The following CISD1 variants were observed in gnomAD, a reference collection of about 807,000 sequenced individuals.
CISD1 encodes CDGSH iron-sulfur domain-containing protein 1.
Under a neutral mutation model 12.0 loss-of-function variants are expected in CISD1, and 8 were observed. The ratio of observed to expected loss-of-function variants is 0.67; its 90% CI spans 0.39 to 1.20. CISD1 has a LOEUF of 1.20. Ranked by LOEUF, CISD1 falls within the 50% of genes most tolerant of loss-of-function variation. The probability of loss-of-function intolerance (pLI) is 0.01; values close to 1 mark genes in which losing one functional copy is unlikely to be tolerated. For synonymous variants in CISD1, 38 were observed against 42.2 expected (o/e 0.90, Z 0.39); for missense variants, 107 against 132.7 (o/e 0.81, Z 0.95).
At chr10:58,281,029 T>A (rs1839368284) in intron 2 of CISD1, among the ~76,000 whole-genome samples, 1 of 152,244 alleles carries the variant, frequency 6.6e-6, no homozygotes. Flanking sequence ...AGTAACATAA[T>A]TGCTTGAGTG....
At position 58,277,030 on chromosome 10, in the gene CISD1, T is replaced by G. The variant is rs190832778; in HGVS notation, c.32-87T>G. 3.5e-4 allele frequency: 335 copies of G among 945,104 alleles called. 1 individual carries two copies. The East Asian group carries it at 6.6e-3, about 19-fold the overall frequency. 58.5% of individuals were successfully genotyped at this position (945,104 alleles called of 1,614,324 possible). A position where few individuals can be genotyped will look rare whatever the true frequency, so the allele number is the denominator to read the frequency against. On this transcript the variant is annotated intron_variant, in intron 1 of 2. Transcript: ENST00000333926. ...CTTGGACTATTAGGATGCTTAATACTCAAAAACTGGATTTTCTGACATGCA... is the reference window on the plus strand; with the variant it reads ...CTTGGACTATTAGGATGCTTAATACGCAAAAACTGGATTTTCTGACATGCA...
intron 2 of CISD1, among the ~76,000 whole-genome samples, chr10:58,285,499 C>T (rs997282366): frequency 6.6e-6 from 1 of 152,090 alleles, no homozygotes; most frequent in African/African-American, 2.4e-5. Flanking sequence ...GTACCTTAGA[C>T]TAAACAGTGA....
Position 58,287,807 on chromosome 10 carries a change from ACAT to A in CISD1, c.*159_*161del, listed in dbSNP as rs1197978913. ...CATTTATGGCATTTGTCTTGTTGAAACATCGTGGTGCACATTTGTTTAAACAAA... is the reference window on the plus strand; with the variant it reads ...CATTTATGGCATTTGTCTTGTTGAAACGTGGTGCACATTTGTTTAAACAAA... On this transcript the variant is annotated 3_prime_UTR_variant, in exon 3 of 3. Coordinates refer to ENST00000333926, the MANE Select transcript of CISD1 (RefSeq NM_018464.5). 5 of 453,056 alleles carry A rather than the reference ACAT, an allele frequency of 1.1e-5. No individual in the cohort carries two copies. Among genetic ancestry groups the A allele is most frequent in the Non-Finnish European group, 1.9e-5 (5 of 257,700 alleles). The allele number at this position is 453,056 out of a possible 1,614,324, so 28.1% of individuals were successfully genotyped here.
chr10:58,274,119 C>A (rs769644199), intron 1 of CISD1, among the ~76,000 whole-genome samples: 1 of 151,460 alleles, frequency 6.6e-6, no homozygotes, highest in Non-Finnish European at 1.5e-5. Flanking sequence ...GGCAACAGAG[C>A]AAGACTCCAT....
Position 58,287,564 on chromosome 10 carries a change from C to T in CISD1, c.241C>T (p.Pro81Ser). 14 of 1,601,906 alleles carry T rather than the reference C, an allele frequency of 8.7e-6. No individual in the cohort carries two copies. The highest frequency in any genetic ancestry group is 1.2e-5 in the Non-Finnish European group (14 of 1,171,730). The change falls in exon 3 of 3, where the codon CCA (proline) becomes TCA (serine). Residue 81 changes from proline to serine, a missense_variant. Physicochemically the swap from Pro to Ser is moderately conservative, Grantham distance 74 (BLOSUM62 -1). Coordinates refer to ENST00000333926, the MANE Select transcript of CISD1 (RefSeq NM_018464.5). ...YCRCWRSKKF[P>S]FCDGAHTKHN... ...CATTCATTCTTTCTCTTCCTAGTTCCCATTCTGTGATGGGGCTCACACAAA... is the reference window on the plus strand; with the variant it reads ...CATTCATTCTTTCTCTTCCTAGTTCTCATTCTGTGATGGGGCTCACACAAA...
chr10:58,276,674 A>C, intron 1 of CISD1, among the ~76,000 whole-genome samples: 1 of 151,552 alleles, frequency 6.6e-6, no homozygotes, highest in East Asian at 1.9e-4. Context: ...CTTACTATTT[A>C]AATAAACTCA....
chr10:58,284,668 A>T (rs1234378433), intron 2 of CISD1, among the ~76,000 whole-genome samples: 1 of 151,296 alleles, frequency 6.6e-6, no homozygotes, highest in African/African-American at 2.5e-5. Context: ...CACTTTTGAT[A>T]TATGACTTTC....
intron 1 of CISD1, among the ~76,000 whole-genome samples, chr10:58,275,102 G>A (rs1252712949): frequency 2.6e-5 from 4 of 152,216 alleles, no homozygotes; most frequent in East Asian, 1.9e-4. Context: ...AACTAAAATC[G>A]ACAGCATTAA....
chr10:58,270,955 C>A (rs764830104), intron 1 of CISD1, among the ~76,000 whole-genome samples: 98 of 151,202 alleles, frequency 6.5e-4, no homozygotes, highest in Non-Finnish European at 1.2e-3. Context: ...CCTTGAACTT[C>A]TGGGCCCAAG....
chr10:58,287,852 A>G lies in CISD1; in HGVS notation c.*202A>G, dbSNP rs1190001654. The G allele has an allele frequency of 4.8e-6, 1 of 208,596 alleles. No homozygotes were observed. The highest frequency in any genetic ancestry group is 1.5e-4 in the African/African-American group (1 of 6,796). 12.9% of individuals were successfully genotyped at this position (208,596 alleles called of 1,614,324 possible). ...TTAAACAAAAAAAAAAAAAAAAAGG[A>G]AAAACCAACCTGCATGGCCTGTGGG... On this transcript the variant is annotated 3_prime_UTR_variant, in exon 3 of 3. Coordinates refer to ENST00000333926, the MANE Select transcript of CISD1 (RefSeq NM_018464.5).
intron 1 of CISD1, among the ~76,000 whole-genome samples, chr10:58,270,739 T>TA (rs1839237060): frequency 6.6e-6 from 1 of 152,262 alleles, no homozygotes; most frequent in Non-Finnish European, 1.5e-5. Context: ...TGTTTTGTTT[T>TA]GTTTTTCAAG....
chr10:58,286,592 A>G (rs1005139490), intron 2 of CISD1, among the ~76,000 whole-genome samples: 2 of 152,234 alleles, frequency 1.3e-5, no homozygotes, highest in African/African-American at 4.8e-5. Context: ...GCTATATGAT[A>G]TGTTTTTTTA....
chr10:58,279,785 A>G (rs972516154), intron 2 of CISD1, among the ~76,000 whole-genome samples: 3 of 152,298 alleles, frequency 2.0e-5, no homozygotes, highest in African/African-American at 7.2e-5. Context: ...TCACAGATGT[A>G]TATAGTACAT....
intron 2 of CISD1, 25 bp downstream of exon 2, chr10:58,277,347 A>G (rs373134306): frequency 7.9e-5 from 114 of 1,440,890 alleles, no homozygotes; most frequent in Non-Finnish European, 9.8e-5. Context: ...TCCTTCATAC[A>G]GTACCATTTT....
intron 1 of CISD1, among the ~76,000 whole-genome samples, chr10:58,275,285 G>A (rs970591839): frequency 6.6e-6 from 1 of 152,178 alleles, no homozygotes; most frequent in Admixed American, 6.5e-5. Flanking sequence ...GAAGTGGATT[G>A]CTACAGCTCC....
At chr10:58,279,473 C>T (rs1839351055) in intron 2 of CISD1, among the ~76,000 whole-genome samples, 1 of 152,090 alleles carries the variant, frequency 6.6e-6, no homozygotes, top group South Asian at 2.1e-4. Context: ...TCCTTTCTCC[C>T]AATAAATCCA....
intron 1 of CISD1, among the ~76,000 whole-genome samples, chr10:58,274,200 C>T (rs1015337513): frequency 6.6e-6 from 1 of 152,104 alleles, no homozygotes; most frequent in Non-Finnish European, 1.5e-5. Flanking sequence ...GAGATTATGA[C>T]AATTCTTAAT....
chr10:58,281,928 A>G (rs1297741100), intron 2 of CISD1, among the ~76,000 whole-genome samples: 1 of 150,094 alleles, frequency 6.7e-6, no homozygotes, highest in African/African-American at 2.5e-5. Context: ...CAGCATTGGT[A>G]TGTCATCTGA....
chr10:58,272,692 GC>G (rs1206225940), intron 1 of CISD1, among the ~76,000 whole-genome samples: 1 of 152,206 alleles, frequency 6.6e-6, no homozygotes, highest in East Asian at 1.9e-4. Context: ...GCCAAGGCGG[GC>G]AGATCATGAG....
Sources: allele counts gnomAD v4.1 joint callset (sites outside exome capture counted in the v4.1 genomes callset), GRCh38; gene constraint gnomAD v4.1.1; transcripts MANE v1.5; gene names NCBI Gene and HGNC (gene_info 2026-07-23, HGNC 2026-07-21).